TEP1: variants seen among roughly 807,000 people sequenced by gnomAD.
The protein encoded by TEP1 is telomerase protein component 1.
A neutral mutation model predicts 306.3 loss-of-function variants in TEP1; 241 were observed. The ratio of observed to expected loss-of-function variants is 0.79; its 90% CI spans 0.71 to 0.88. The LOEUF (loss-of-function observed/expected upper bound fraction) is 0.88. Among genes scored for constraint, TEP1 ranks in the 40% least tolerant of loss-of-function variants. The pLI, the probability that TEP1 is intolerant of heterozygous loss-of-function variation, is 0.00. For missense variants in TEP1, 3,051 were observed against 3,276.1 expected, an observed-to-expected ratio of 0.93 and a Z score of 1.68; for synonymous variants, 1,289 against 1,305.5, an observed-to-expected ratio of 0.99 and a Z score of 0.27.
chr14:20,379,648 G>A (rs1214762941), intron 35 of TEP1, among the ~76,000 whole-genome samples: 3 of 152,044 alleles, frequency 2.0e-5, no homozygotes, highest in South Asian at 2.1e-4. Context: ...TTTTTACCTC[G>A]TATGTCTTAT....
intron 19 of TEP1, 44 bp downstream of exon 19, chr14:20,386,403 C>A (rs919360837): frequency 1.9e-6 from 3 of 1,576,326 alleles, no homozygotes; most frequent in Non-Finnish European, 2.6e-6. Context: ...ACCACTCAAG[C>A]CCCTCATCCC....
rs143496437 is a variant in TEP1 at position 20,403,450 on chromosome 14, T to C, written c.1195-2A>G. On this transcript the variant is annotated splice_acceptor_variant, in intron 6 of 54. Coordinates refer to ENST00000262715, the MANE Select transcript of TEP1 (RefSeq NM_007110.5). LOFTEE classifies it high-confidence loss of function. ...GTGAGAAAATGGAGGCTCCATCCCC[T>C]GTAGGGACAGGAGAAGCAATTTCAA... 210 of 1,614,152 alleles carry C rather than the reference T, an allele frequency of 1.3e-4. No homozygotes were observed. The highest frequency in any genetic ancestry group is 5.7e-4 in the African/African-American group (43 of 75,046).
At chr14:20,398,458 C>A (rs1161638970) in intron 9 of TEP1, among the ~76,000 whole-genome samples, 5 of 148,164 alleles carry the variant, frequency 3.4e-5, no homozygotes, top group Non-Finnish European at 1.5e-5. Flanking sequence ...AATCCATCTA[C>A]AATTGAAAGA....
chr14:20,393,835 A>G (rs1877948516), intron 12 of TEP1, among the ~76,000 whole-genome samples: 1 of 151,136 alleles, frequency 6.6e-6, no homozygotes, highest in Admixed American at 6.6e-5. Flanking sequence ...TAATCTCAGC[A>G]CTTTGGTTTG....
chr14:20,381,432 C>A lies in TEP1; in HGVS notation c.4559-31G>T. Reference sequence around the variant, plus strand: ...TGAACAGATATTGAGAAAGGCTCAGCCCTGCATCATTCCCAAGGGCAGTAG... The same window carrying A: ...TGAACAGATATTGAGAAAGGCTCAGACCTGCATCATTCCCAAGGGCAGTAG... On this transcript the variant is annotated intron_variant, in intron 31 of 54. Coordinates refer to ENST00000262715, the MANE Select transcript of TEP1 (RefSeq NM_007110.5). This position sits in a 1 kb window ranked among gnomAD's most constrained non-coding sequence, Gnocchi z 4.0. 1 of 1,613,582 alleles carries A rather than the reference C, an allele frequency of 6.2e-7. No homozygotes were observed. Among genetic ancestry groups the A allele is most frequent in the Non-Finnish European group, 8.5e-7 (1 of 1,179,922 alleles).
intron 14 of TEP1, 31 bp downstream of exon 14, chr14:20,390,907 A>G (rs1216335959): frequency 1.2e-6 from 2 of 1,613,274 alleles, no homozygotes; most frequent in South Asian, 1.1e-5. Flanking sequence ...TCCTTCATGT[A>G]TTTTTGGATG....
chr14:20,396,781 C>T lies in TEP1; in HGVS notation c.1550-51G>A, dbSNP rs769762249. 1.4e-4 allele frequency: 180 copies of T among 1,297,744 alleles called. 1 individual carries two copies. In the South Asian group the frequency reaches 2.1e-3, roughly 15 times the overall value. 80.4% of individuals were successfully genotyped at this position (1,297,744 alleles called of 1,614,324 possible). On this transcript the variant is annotated intron_variant, in intron 9 of 54. Transcript: ENST00000262715. ...GAAAAACAAATGAGAAGGCCAGGCA[C>T]AGTGGCATGCACCTATAATCTCAGC... is the stretch of plus-strand genomic sequence containing the variant.
rs920438554 is a variant in TEP1, at chr14:20,373,796, C to T, written c.6486G>A (p.Val2162=). The change falls in exon 45 of 55, where the codon GTG becomes GTA. Residue 2162 remains valine, a synonymous_variant. Transcript: ENST00000262715. ...TCAAGGTCCCATCCCGGCTCACAGA[C>T]ACCACGTGCTCCTCCTGCCCACAGA... ...SAVAAVEEHV[V]SVSRDGTLKV... 3 of 1,613,098 alleles carry T rather than the reference C, an allele frequency of 1.9e-6. No homozygotes were observed. The highest frequency in any genetic ancestry group is 2.5e-6 in the Non-Finnish European group (3 of 1,179,948).
chr14:20,373,515 G>C lies in TEP1; in HGVS notation c.6673C>G (p.Pro2225Ala). Residue 2225 changes from proline to alanine, a missense_variant, in exon 46 of 55, where the codon CCA becomes GCA. Around this residue, in one of 3 missense-constraint regions of TEP1, gnomAD observed 1,540 missense variants for 1,705.9 expected, o/e 0.90. Transcript: ENST00000262715. ...GLDGATRLWH[P>A]LLVCQTHTLL... is the part of the protein sequence containing the mutation. ...TCCTTGCAGGAACTCACCAAGAGTG[G>C]ATGCCATAACCGTGTGGCCCCATCT... 6.2e-7 allele frequency: 1 copy of C among 1,614,224 alleles called. No individual in the cohort carries two copies. The highest frequency in any genetic ancestry group is 8.5e-7 in the Non-Finnish European group (1 of 1,180,044).
intron 15 of TEP1, among the ~76,000 whole-genome samples, chr14:20,390,093 G>T (rs1877563157): frequency 6.6e-6 from 1 of 152,160 alleles, no homozygotes; most frequent in Non-Finnish European, 1.5e-5. Flanking sequence ...GGCTGGGCAT[G>T]TTGACACACA....
At chr14:20,386,279 C>T in intron 19 of TEP1, 84 bp from the exon 20 acceptor site, 1 of 1,603,026 alleles carries the variant, frequency 6.2e-7, no homozygotes, top group Non-Finnish European at 8.5e-7. Flanking sequence ...AGACGGGGCC[C>T]TGACTCGCAA....
chr14:20,408,963 C>T (rs79372750), intron 1 of TEP1, among the ~76,000 whole-genome samples: 1 of 151,994 alleles, frequency 6.6e-6, no homozygotes, highest in African/African-American at 2.4e-5. Flanking sequence ...AGTAGAGAGG[C>T]CTCGCAATAT....
rs1191271093 is a variant in TEP1 at position 20,377,723 on chromosome 14, G to A, written c.5752C>T (p.Pro1918Ser). 6.2e-6 allele frequency: 10 copies of A among 1,613,882 alleles called. No individual in the cohort carries two copies. Among genetic ancestry groups the A allele is most frequent in the East Asian group, 4.5e-5 (2 of 44,870 alleles). The change falls in exon 40 of 55, where the codon CCC becomes TCC. Residue 1918 changes from proline (P) to serine (S), a missense_variant. Pro to Ser is a moderately conservative substitution (Grantham distance 74). Transcript: ENST00000262715. The part of the protein sequence containing the change: ...VQVWSGSLGR[P>S]RGHLGSLSLS... ...GAAAGGGAACCCAGGTGCCCACGGG[G>A]CCGACCCAGAGACCCTGACCACACC...
At position 20,391,611 on chromosome 14, in the gene TEP1, G is replaced by A. The variant is rs890095821; in HGVS notation, c.2085C>T (p.Ser695=). 2 of 1,613,176 alleles carry A rather than the reference G, an allele frequency of 1.2e-6. No individual in the cohort carries two copies. The highest frequency in any genetic ancestry group is 1.7e-6 in the Non-Finnish European group (2 of 1,179,582). Residue 695 remains serine (S), a synonymous_variant, in exon 13 of 55, where the codon AGC becomes AGT. Transcript: ENST00000262715. ...TTTGTTTTCTTACCCCTTGTGGGTT[G>A]CTCTTTGGACAGAGCCTGTCTGCAT... is the stretch of plus-strand genomic sequence containing the variant. ...DANADRLCPK[S]NPQGPPLNYA...
intron 14 of TEP1, 75 bp from the exon 15 acceptor site, chr14:20,390,833 A>C: frequency 6.2e-7 from 1 of 1,613,194 alleles, no homozygotes; most frequent in Non-Finnish European, 8.5e-7. Flanking sequence ...TCTGCTTGGG[A>C]AATCTTCAGA....
chr14:20,375,716 C>T, intron 43 of TEP1, 39 bp downstream of exon 43: 8 of 1,440,770 alleles, frequency 5.6e-6, no homozygotes, highest in Non-Finnish European at 7.8e-6. Context: ...GCCCCAGGAA[C>T]CCAGCTGGGC....
Position 20,378,005 on chromosome 14 carries a change from C to T in TEP1, c.5721+19G>A. On this transcript the variant is annotated intron_variant, in intron 39 of 54. Coordinates refer to ENST00000262715, the MANE Select transcript of TEP1 (RefSeq NM_007110.5). ...GCTACTCCTCCTCACAACCCACCAC[C>T]AGCCCTCTGCAAGCTGACCTTGCCA... The T allele has an allele frequency of 6.2e-7, 1 of 1,611,730 alleles. No individual in the cohort carries two copies. The highest frequency in any genetic ancestry group is 8.5e-7 in the Non-Finnish European group (1 of 1,179,808).
intron 5 of TEP1, among the ~76,000 whole-genome samples, chr14:20,404,396 A>AT (rs11385254): frequency 0.022 from 3,223 of 147,628 alleles, 40 homozygotes; most frequent in Non-Finnish European, 0.033. Flanking sequence ...GAATAAGACC[A>AT]TTTTTTTTTC....
intron 43 of TEP1, 98 bp downstream of exon 43, chr14:20,375,657 C>T (rs1594325686): frequency 1.4e-6 from 1 of 714,286 alleles, no homozygotes; most frequent in East Asian, 2.6e-5. Context: ...TTAGCTATCA[C>T]TATTATTAAT....
Sources: gnomAD v4.1 joint callset for allele counts (sites outside exome capture counted in the v4.1 genomes callset) on GRCh38, gnomAD v4.1.1 for gene constraint, gnomAD v4.1.1 regional missense constraint, Gnocchi (gnomAD v3.1) non-coding constraint, MANE v1.5 for transcripts, NCBI Gene and HGNC (gene_info 2026-07-23, HGNC 2026-07-21) for gene names.